APP: variants seen among roughly 807,000 people sequenced by gnomAD.
APP encodes amyloid beta precursor protein.
A neutral mutation model predicts 101.4 loss-of-function variants in APP; 31 were observed. That is an observed-to-expected ratio of 0.31 (90% CI 0.23 to 0.41). APP has a LOEUF of 0.41. Ranked by LOEUF, APP falls within the 10% of genes least tolerant of loss-of-function variation. The probability of loss-of-function intolerance (pLI) is 1.00; values close to 1 mark genes in which losing one functional copy is unlikely to be tolerated. For synonymous variants in APP, 366 were observed against 364.4 expected, an observed-to-expected ratio of 1.00 and a Z score of -0.05; for missense variants, 839 against 1,003.7, an observed-to-expected ratio of 0.84 and a Z score of 2.22.
At chr21:26,164,017 C>T (rs2063554317) in intron 1 of APP, among the ~76,000 whole-genome samples, 1 of 152,172 alleles carries the variant, frequency 6.6e-6, no homozygotes, top group Admixed American at 6.5e-5. Context: ...GAGGCCGAGG[C>T]AGGCGGATCA....
In APP at chr21:25,975,077, G is replaced by A. The variant is rs1373203223; in HGVS notation, c.1451C>T (p.Pro484Leu). ...ENYITALQAV[P>L]PRPRHVFNML... ...GGCTGCAGCGAGACCTACCCGAGGA[G>A]GAACAGCCTGCAGAGCGGTGATGTA... is the stretch of plus-strand genomic sequence containing the variant. The change falls in exon 11 of 18, where the codon CCT becomes CTT. Residue 484 changes from proline to leucine, a missense_variant. Coordinates refer to ENST00000346798, the MANE Select transcript of APP (RefSeq NM_000484.4). The A allele has an allele frequency of 1.2e-6, 2 of 1,614,132 alleles. No homozygotes were observed. The highest frequency in any genetic ancestry group is 1.7e-5 in the Admixed American group (1 of 60,014).
chr21:25,952,312 T>C (rs781611132), intron 13 of APP, among the ~76,000 whole-genome samples: 3 of 152,020 alleles, frequency 2.0e-5, no homozygotes, highest in African/African-American at 7.2e-5. Context: ...GTCTGTTACA[T>C]ATGTATACAT....
chr21:26,104,795 G>GA (rs1037204518), intron 2 of APP, among the ~76,000 whole-genome samples: 1 of 152,120 alleles, frequency 6.6e-6, no homozygotes, highest in Admixed American at 6.5e-5. Context: ...CAATCCTTTG[G>GA]AAAAACAAAT....
At chr21:26,005,289 A>G (rs2043482849) in intron 6 of APP, among the ~76,000 whole-genome samples, 1 of 152,058 alleles carries the variant, frequency 6.6e-6, no homozygotes, top group African/African-American at 2.4e-5. Context: ...TGGCGTGCAC[A>G]TATAATCTCA....
chr21:26,103,956 A>T (rs1045062043), intron 2 of APP, among the ~76,000 whole-genome samples: 2 of 152,226 alleles, frequency 1.3e-5, no homozygotes, highest in Admixed American at 1.3e-4. Context: ...TTAAACAACA[A>T]AAATGTCTTT....
At chr21:25,948,776 C>A (rs1378939457) in intron 13 of APP, among the ~76,000 whole-genome samples, 1 of 152,126 alleles carries the variant, frequency 6.6e-6, no homozygotes, top group East Asian at 1.9e-4. Flanking sequence ...GAATAGAATC[C>A]TTTTAGCAGA....
intron 3 of APP, among the ~76,000 whole-genome samples, chr21:26,062,825 C>T (rs1470445733): frequency 1.3e-5 from 2 of 151,948 alleles, no homozygotes; most frequent in Non-Finnish European, 2.9e-5. Flanking sequence ...TGCAATGGCA[C>T]GATCACAGCT....
chr21:26,166,950 G>T (rs866335007), intron 1 of APP, among the ~76,000 whole-genome samples: 44 of 150,042 alleles, frequency 2.9e-4, no homozygotes, highest in Non-Finnish European at 1.6e-4. Context: ...GTGTGTGTGT[G>T]TGTCTGTCTG....
At chr21:25,988,690 G>A (rs1029198174) in intron 8 of APP, among the ~76,000 whole-genome samples, 13 of 97,338 alleles carry the variant, frequency 1.3e-4, no homozygotes, top group Non-Finnish European at 2.3e-4. Context: ...TGATAACAGC[G>A]AAACTCTGTC....
intron 17 of APP, among the ~76,000 whole-genome samples, chr21:25,882,924 A>T (rs1164419442): frequency 6.6e-6 from 1 of 152,000 alleles, no homozygotes; most frequent in Non-Finnish European, 1.5e-5. Flanking sequence ...TTCCTCCCTT[A>T]TGCAGCTTTT....
At chr21:26,009,880 G>A in intron 6 of APP, 1 of 173,456 alleles carries the variant, frequency 5.8e-6, no homozygotes, top group South Asian at 1.5e-4. Flanking sequence ...GAGCCATCGT[G>A]CCTGGCCAGA....
intron 9 of APP, among the ~76,000 whole-genome samples, chr21:25,979,936 C>T (rs969209907): frequency 7.2e-5 from 11 of 151,892 alleles, no homozygotes; most frequent in African/African-American, 1.9e-4. Context: ...CTAACAAAAC[C>T]GGGGAGCAAA....
intron 5 of APP, among the ~76,000 whole-genome samples, chr21:26,042,969 G>T (rs117591478): frequency 0.015 from 2,236 of 152,150 alleles, 34 homozygotes; most frequent in Non-Finnish European, 0.021. Flanking sequence ...TGCTCAAGAG[G>T]TTTAGTGCCC....
chr21:26,147,870 C>A (rs1400982241), intron 1 of APP, among the ~76,000 whole-genome samples: 1 of 151,908 alleles, frequency 6.6e-6, no homozygotes, highest in Non-Finnish European at 1.5e-5. Flanking sequence ...CCAACCCCCC[C>A]AAAAAAACCT....
At chr21:26,062,725 A>T (rs2046320531) in intron 3 of APP, among the ~76,000 whole-genome samples, 1 of 151,160 alleles carries the variant, frequency 6.6e-6, no homozygotes, top group African/African-American at 2.4e-5. Context: ...TTTTAAAAAG[A>T]TCCATATAGG....
chr21:25,887,767 G>T (rs56164950), intron 17 of APP, among the ~76,000 whole-genome samples: 57,741 of 151,918 alleles, frequency 0.38, 11,154 homozygotes, highest in South Asian at 0.44. Context: ...CTGCACAGGT[G>T]TGGAGCCTAG....
intron 13 of APP, among the ~76,000 whole-genome samples, chr21:25,930,763 C>T (rs1381191920): frequency 1.3e-5 from 2 of 152,166 alleles, no homozygotes; most frequent in Non-Finnish European, 2.9e-5. Context: ...TTCTTTAACA[C>T]AAAACTTGCT....
rs571068787 is a variant in APP, at chr21:26,141,355, G to A, written c.57+29209C>T. Among the ~76,000 whole-genome samples the A allele has an allele frequency of 1.2e-3, 188 of 152,210 alleles. 2 individuals carry two copies. Among genetic ancestry groups the A allele is most frequent in the East Asian group, 1.9e-4 (1 of 5,182 alleles). Reference sequence around the variant, plus strand: ...TTCTTGATTTTTCCCTACAGTTTGGGCACAGTCTTATTATGACAGAAAAGA... The same window carrying A: ...TTCTTGATTTTTCCCTACAGTTTGGACACAGTCTTATTATGACAGAAAAGA... On this transcript the variant is annotated intron_variant, in intron 1 of 17. Coordinates refer to ENST00000346798, the MANE Select transcript of APP (RefSeq NM_000484.4).
chr21:25,912,046 G>A, intron 13 of APP, 84 bp from the exon 14 acceptor site: 1 of 1,061,588 alleles, frequency 9.4e-7, no homozygotes, highest in Non-Finnish European at 1.5e-6. Context: ...ACTTCTGCCA[G>A]GCAAGACTTC....
Sources: allele counts gnomAD v4.1 joint callset (sites outside exome capture counted in the v4.1 genomes callset), GRCh38; gene constraint gnomAD v4.1.1; transcripts MANE v1.5; gene names NCBI Gene and HGNC (gene_info 2026-07-23, HGNC 2026-07-21).